Variants in CTNNA3 observed in about 807,000 individuals in gnomAD.
The protein encoded by CTNNA3 is catenin alpha-3.
In CTNNA3, 76 loss-of-function variants were observed where a neutral mutation model predicts 95.7. The ratio of observed to expected loss-of-function variants is 0.79; its 90% CI spans 0.66 to 0.96. The LOEUF (loss-of-function observed/expected upper bound fraction) is 0.96. Ranked by LOEUF, CTNNA3 falls within the 40% of genes least tolerant of loss-of-function variation. CTNNA3 has a pLI of 0.00. For synonymous variants in CTNNA3, 431 were observed against 374.4 expected (o/e 1.15, Z -1.74); for missense variants, 1,191 against 1,089.8 (o/e 1.09, Z -1.31).
chr10:67,684,572 C>T (rs567410514), intron 1 of CTNNA3, among the ~76,000 whole-genome samples: 48 of 152,200 alleles, frequency 3.2e-4, no homozygotes, highest in Non-Finnish European at 2.9e-5. Context: ...GATGACCGCT[C>T]TAGCTACTTC....
At chr10:67,026,390 T>C (rs1017603999) in intron 7 of CTNNA3, among the ~76,000 whole-genome samples, 1 of 152,024 alleles carries the variant, frequency 6.6e-6, no homozygotes, top group African/African-American at 2.4e-5. Context: ...AATATTTTTA[T>C]ATTTGTAAAT....
At chr10:67,497,561 C>G (rs1249844537) in intron 5 of CTNNA3, among the ~76,000 whole-genome samples, 1 of 152,080 alleles carries the variant, frequency 6.6e-6, no homozygotes, top group Non-Finnish European at 1.5e-5. Context: ...AGTGTAAAAG[C>G]CTTCCTATTT....
chr10:66,840,323 ATCTCTCTCTCTCTCTCTC>A (rs71035189), intron 7 of CTNNA3, among the ~76,000 whole-genome samples: 1,166 of 90,632 alleles, frequency 0.013, 12 homozygotes, highest in Admixed American at 0.019. Context: ...CCAAGAAGCC[ATCTCTCTCTCTCTCTCTC>A]TCTCTCTCTC....
At chr10:66,784,965 G>A (rs899342299) in intron 7 of CTNNA3, among the ~76,000 whole-genome samples, 1 of 152,120 alleles carries the variant, frequency 6.6e-6, no homozygotes, top group Non-Finnish European at 1.5e-5. Flanking sequence ...AAAGGAGGTC[G>A]GCTACTTGCT....
At chr10:67,657,330 G>A (rs189068379) in intron 1 of CTNNA3, among the ~76,000 whole-genome samples, 38 of 152,166 alleles carry the variant, frequency 2.5e-4, no homozygotes, top group Non-Finnish European at 4.1e-4. Context: ...ACAAGAGCAG[G>A]GTTTGAAAGA....
chr10:67,374,615 T>G (rs1337612154), intron 5 of CTNNA3, among the ~76,000 whole-genome samples: 2 of 152,170 alleles, frequency 1.3e-5, no homozygotes, highest in Non-Finnish European at 2.9e-5. Flanking sequence ...TAATTTATAA[T>G]TTTTATTGGT....
intron 7 of CTNNA3, among the ~76,000 whole-genome samples, chr10:66,966,476 A>G (rs972844174): frequency 2.0e-5 from 2 of 98,116 alleles, no homozygotes; most frequent in Admixed American, 1.3e-4. Flanking sequence ...TAACTCGGCT[A>G]TGTAATATAT....
intron 5 of CTNNA3, among the ~76,000 whole-genome samples, chr10:67,279,250 C>T (rs533535079): frequency 6.6e-6 from 1 of 152,214 alleles, no homozygotes; most frequent in African/African-American, 2.4e-5. Context: ...TATTAGTATA[C>T]ATACATTAAC....
intron 1 of CTNNA3, among the ~76,000 whole-genome samples, chr10:67,748,495 A>G (rs1841385202): frequency 6.6e-6 from 1 of 152,198 alleles, no homozygotes; most frequent in Admixed American, 6.5e-5. Context: ...TTTCATATCC[A>G]GCCAAGCTAA....
At chr10:66,966,358 A>T (rs947710626) in intron 7 of CTNNA3, among the ~76,000 whole-genome samples, 1 of 152,138 alleles carries the variant, frequency 6.6e-6, no homozygotes, top group Non-Finnish European at 1.5e-5. Context: ...CTAATCCTAA[A>T]AGACTTTGTA....
intron 5 of CTNNA3, among the ~76,000 whole-genome samples, chr10:67,374,322 G>A (rs907429872): frequency 3.3e-5 from 5 of 152,114 alleles, no homozygotes; most frequent in Non-Finnish European, 5.9e-5. Context: ...TCCAAGGGCT[G>A]TAGTTTGCCC....
intron 8 of CTNNA3, among the ~76,000 whole-genome samples, chr10:66,772,445 GA>G: frequency 6.6e-6 from 1 of 150,760 alleles, no homozygotes; most frequent in African/African-American, 2.4e-5. Context: ...AAAAAAAAGA[GA>G]GAGAGAGAAA....
chr10:66,332,774 A>G (rs987454448), intron 12 of CTNNA3, among the ~76,000 whole-genome samples: 5 of 151,864 alleles, frequency 3.3e-5, no homozygotes, highest in South Asian at 2.1e-4. Context: ...CTCTTTTTCT[A>G]TTGATTCGAA....
At chr10:66,319,866 A>G (rs2092157612) in intron 12 of CTNNA3, among the ~76,000 whole-genome samples, 1 of 152,126 alleles carries the variant, frequency 6.6e-6, no homozygotes, top group African/African-American at 2.4e-5. Flanking sequence ...AAAGGGCATG[A>G]ATTAAAATCA....
chr10:67,573,858 CTGACTTCAAGG>C (rs1327897752), intron 3 of CTNNA3, among the ~76,000 whole-genome samples: 4 of 152,012 alleles, frequency 2.6e-5, no homozygotes, highest in Non-Finnish European at 5.9e-5. Flanking sequence ...GTTCTGATTA[CTGACTTCAAGG>C]AACTTCAGTA....
At chr10:67,257,195 T>C (rs546747028) in intron 5 of CTNNA3, among the ~76,000 whole-genome samples, 1 of 152,312 alleles carries the variant, frequency 6.6e-6, no homozygotes, top group African/African-American at 2.4e-5. Flanking sequence ...TTAAGACCAA[T>C]GTGTGAGAGA....
chr10:67,299,803 C>T (rs1275461149), intron 5 of CTNNA3, among the ~76,000 whole-genome samples: 1 of 152,212 alleles, frequency 6.6e-6, no homozygotes, highest in East Asian at 1.9e-4. Flanking sequence ...CTGACCTTTT[C>T]CTCAATTGAA....
chr10:66,943,513 C>G (rs1803786539), intron 7 of CTNNA3, among the ~76,000 whole-genome samples: 1 of 64,910 alleles, frequency 1.5e-5, no homozygotes, highest in Admixed American at 2.5e-4. Flanking sequence ...ATCCAATTCC[C>G]CCACCCTTTT....
At chr10:66,698,739 G>A (rs971517344) in intron 9 of CTNNA3, among the ~76,000 whole-genome samples, 2 of 152,124 alleles carry the variant, frequency 1.3e-5, no homozygotes, top group Non-Finnish European at 2.9e-5. Context: ...GAGATAAAAC[G>A]TGGGGGACAG....
Sources: gnomAD v4.1 joint callset for allele counts (sites outside exome capture counted in the v4.1 genomes callset) on GRCh38, gnomAD v4.1.1 for gene constraint, MANE v1.5 for transcripts, NCBI Gene and HGNC (gene_info 2026-07-23, HGNC 2026-07-21) for gene names.